Variants in SYN3 observed in about 807,000 individuals in gnomAD.
SYN3 encodes the protein synapsin-3.
Under a neutral mutation model 65.8 loss-of-function variants are expected in SYN3, and 35 were observed. The observed-to-expected ratio is 0.53, with a 90% CI of 0.41 to 0.70. The LOEUF is 0.70. SYN3 is among the 30% of genes least tolerant of loss of function. The pLI, the probability that SYN3 is intolerant of heterozygous loss-of-function variation, is 0.00. For missense variants in SYN3, 680 were observed against 749.0 expected (o/e 0.91, Z 1.08); for synonymous variants, 270 against 292.9 (o/e 0.92, Z 0.80).
chr22:32,739,174 A>AG (rs201178182), intron 6 of SYN3, among the ~76,000 whole-genome samples: 1,785 of 146,164 alleles, frequency 0.012, 11 homozygotes, highest in African/African-American at 0.022. Context: ...ATTGAATCAC[A>AG]GGGGGGGGGC....
At chr22:32,521,596 G>A (rs560439730) in intron 12 of SYN3, among the ~76,000 whole-genome samples, 18 of 151,914 alleles carry the variant, frequency 1.2e-4, no homozygotes, top group South Asian at 6.3e-4. Context: ...ACAGGCGTCC[G>A]CCACCACGCC....
At position 32,508,753 on chromosome 22, in the gene SYN3, T is replaced by C. The variant is rs2057659688; in HGVS notation, c.*4939A>G. 1.3e-5 allele frequency among the ~76,000 whole-genome samples: 2 copies of C among 152,228 alleles called. No individual in the cohort carries two copies. The highest frequency in any genetic ancestry group is 2.4e-5 in the African/African-American group (1 of 41,460). On this transcript the variant is annotated 3_prime_UTR_variant, in exon 14 of 14. Coordinates refer to ENST00000358763, the MANE Select transcript of SYN3 (RefSeq NM_003490.4). ...ATACTTTTGTTTGGATTTTATTTCATAGTTTTCTAGGAGGGCTGAGCTAAA... is the reference window on the plus strand; with the variant it reads ...ATACTTTTGTTTGGATTTTATTTCACAGTTTTCTAGGAGGGCTGAGCTAAA...
chr22:32,765,072 C>T (rs1439442032), intron 6 of SYN3, among the ~76,000 whole-genome samples: 1 of 151,074 alleles, frequency 6.6e-6, no homozygotes, highest in Non-Finnish European at 1.5e-5. Context: ...TTTGAGACCT[C>T]GCCGTTTGCT....
chr22:33,006,627 G>T lies in SYN3; in HGVS notation c.36C>A (p.Ser12Arg), dbSNP rs763446140. The change falls in exon 2 of 14, where the codon AGC becomes AGA. Residue 12 changes from serine (S) to arginine (R), a missense_variant. Transcript: ENST00000358763. Reference sequence around the variant, plus strand: ...AGCCATTAGGCAGGTTGGCCATGAAGCTGCTGTCAGAGAGACGTCGCCGGA... The same window carrying T: ...AGCCATTAGGCAGGTTGGCCATGAATCTGCTGTCAGAGAGACGTCGCCGGA... ...NFLRRRLSDS[S>R]FMANLPNGYM... 1 of 1,601,820 alleles carries T rather than the reference G, an allele frequency of 6.2e-7. No homozygotes were observed. The highest frequency in any genetic ancestry group is 1.3e-5 in the African/African-American group (1 of 74,746).
chr22:32,863,770 T>G (rs1005498230), intron 6 of SYN3, among the ~76,000 whole-genome samples: 2 of 152,224 alleles, frequency 1.3e-5, no homozygotes, highest in African/African-American at 4.8e-5. Context: ...CCTGAAGAAG[T>G]TGGGGCTCAC....
At chr22:32,968,650 CTT>C (rs2051920787) in intron 3 of SYN3, among the ~76,000 whole-genome samples, 1 of 152,188 alleles carries the variant, frequency 6.6e-6, no homozygotes, top group Non-Finnish European at 1.5e-5. Context: ...GAATCATGCT[CTT>C]TAGCTAGAAG....
intron 6 of SYN3, among the ~76,000 whole-genome samples, chr22:32,673,527 C>A (rs1195618759): frequency 1.3e-5 from 2 of 152,174 alleles, no homozygotes; most frequent in Non-Finnish European, 2.9e-5. Flanking sequence ...GCAGACAAGC[C>A]AACAGGCAGA....
At chr22:32,651,830 G>A (rs1482445050) in intron 6 of SYN3, among the ~76,000 whole-genome samples, 3 of 152,062 alleles carry the variant, frequency 2.0e-5, no homozygotes, top group Non-Finnish European at 4.4e-5. Flanking sequence ...TCCTCACTTG[G>A]GCTGACATTA....
intron 6 of SYN3, among the ~76,000 whole-genome samples, chr22:32,770,821 T>A (rs2045747319): frequency 7.5e-6 from 1 of 132,528 alleles, no homozygotes; most frequent in East Asian, 2.2e-4. Context: ...AATGGATTAC[T>A]CGATATGTAG....
chr22:32,754,074 C>T (rs2045221774), intron 6 of SYN3, among the ~76,000 whole-genome samples: 2 of 152,316 alleles, frequency 1.3e-5, no homozygotes, highest in South Asian at 4.1e-4. Context: ...CACCTCTGGG[C>T]CTTTGGACGA....
chr22:32,754,082 C>T (rs148874331), intron 6 of SYN3, among the ~76,000 whole-genome samples: 6 of 152,310 alleles, frequency 3.9e-5, no homozygotes, highest in African/African-American at 1.2e-4. Context: ...GGCCTTTGGA[C>T]GACTACTCCA....
chr22:32,582,354 CT>C (rs35437184), intron 7 of SYN3, among the ~76,000 whole-genome samples: 58,678 of 138,206 alleles, frequency 0.42, 13,774 homozygotes, highest in African/African-American at 0.69. Flanking sequence ...TGCATTCTCC[CT>C]TTTTTTTTTT....
rs139293828 is a variant in SYN3, at chr22:32,653,340, C to G, written c.712-56604G>C. Among the ~76,000 whole-genome samples, 27 of 151,948 alleles carry G rather than the reference C, an allele frequency of 1.8e-4. 1 individual carries two copies. In the East Asian group the frequency reaches 5.2e-3, roughly 29 times the overall value. Reference sequence around the variant, plus strand: ...GAATTTTTTATCAATGGCAAAATCACGGCTAAAATATCCCTATCAGTTATT... The same window carrying G: ...GAATTTTTTATCAATGGCAAAATCAGGGCTAAAATATCCCTATCAGTTATT... On this transcript the variant is annotated intron_variant, in intron 6 of 13. Transcript: ENST00000358763.
chr22:32,672,768 G>A (rs2060388851), intron 6 of SYN3, among the ~76,000 whole-genome samples: 1 of 152,218 alleles, frequency 6.6e-6, no homozygotes, highest in East Asian at 1.9e-4. Flanking sequence ...TTCCCACATT[G>A]GGAAACTGGG....
chr22:32,804,174 G>A (rs577542956), intron 6 of SYN3, among the ~76,000 whole-genome samples: 24 of 152,170 alleles, frequency 1.6e-4, no homozygotes, highest in Non-Finnish European at 3.1e-4. Flanking sequence ...AAAAATCTTC[G>A]ATGCTCTGGC....
At chr22:32,884,112 T>G (rs1328212891) in intron 4 of SYN3, among the ~76,000 whole-genome samples, 1 of 152,236 alleles carries the variant, frequency 6.6e-6, no homozygotes, top group Non-Finnish European at 1.5e-5. Context: ...AGCTACCATG[T>G]AAAACAAAGT....
In SYN3 at chr22:32,909,796, CAG is replaced by C. The variant is rs1356074076; in HGVS notation, c.461+21592_461+21593del. ...CAAGTCCGACCATCACGGCGAGAGA[CAG>C]AGCCAGTAGCATGAGCCCAGCCTCC... On this transcript the variant is annotated intron_variant, in intron 4 of 13. Coordinates refer to ENST00000358763, the MANE Select transcript of SYN3 (RefSeq NM_003490.4). Among the ~76,000 whole-genome samples, 13 of 152,144 alleles carry C rather than the reference CAG, an allele frequency of 8.5e-5. 1 individual carries two copies. Among genetic ancestry groups the C allele is most frequent in the African/African-American group, 3.1e-4 (13 of 41,412 alleles).
chr22:33,032,294 G>A (rs1329723051), intron 1 of SYN3, among the ~76,000 whole-genome samples: 1 of 151,662 alleles, frequency 6.6e-6, no homozygotes, highest in South Asian at 2.1e-4. Context: ...GATCACATGA[G>A]GTCAGGTGTT....
At chr22:32,664,991 CTTTTTTTTTTTT>C (rs564943069) in intron 6 of SYN3, among the ~76,000 whole-genome samples, 1 of 68,950 alleles carries the variant, frequency 1.5e-5, no homozygotes, top group Non-Finnish European at 2.5e-5. Context: ...ATGTATAATT[CTTTTTTTTTTTT>C]TTTTTTTTTT....
Sources: gnomAD v4.1 joint callset for allele counts (sites outside exome capture counted in the v4.1 genomes callset) on GRCh38, gnomAD v4.1.1 for gene constraint, MANE v1.5 for transcripts, NCBI Gene and HGNC (gene_info 2026-07-23, HGNC 2026-07-21) for gene names.